Variants in TIPIN observed in about 807,000 individuals in gnomAD.
The protein encoded by TIPIN is TIMELESS-interacting protein.
In TIPIN, 29 loss-of-function variants were observed where a neutral mutation model predicts 35.6. The observed-to-expected ratio is 0.82, with a 90% CI of 0.61 to 1.11. The LOEUF is 1.11. TIPIN is among the 50% of genes most tolerant of loss of function. TIPIN has a pLI of 0.00. For missense variants in TIPIN, 296 were observed against 345.4 expected (o/e 0.86, Z 1.13); for synonymous variants, 102 against 121.5 (o/e 0.84, Z 1.06).
intron 7 of TIPIN, among the ~76,000 whole-genome samples, chr15:66,337,706 G>C (rs2140434938): frequency 6.6e-6 from 1 of 151,472 alleles, no homozygotes; most frequent in South Asian, 2.1e-4. Flanking sequence ...AGGATCATTG[G>C]AGCTCAGGAG....
At chr15:66,346,393 C>A (rs2093125989) in intron 6 of TIPIN, among the ~76,000 whole-genome samples, 1 of 148,764 alleles carries the variant, frequency 6.7e-6, no homozygotes, top group African/African-American at 2.5e-5. Context: ...TACTTTTTTT[C>A]TTTTTAATTT....
upstream of TIPIN, among the ~76,000 whole-genome samples, chr15:66,359,174 GACACAC>G (rs144363122): frequency 6.7e-5 from 9 of 134,812 alleles, no homozygotes; most frequent in South Asian, 2.7e-4. Flanking sequence ...CACACACACA[GACACAC>G]ACACACACAC....
intron 6 of TIPIN, 62 bp downstream of exon 6, chr15:66,348,998 C>A (rs1489299531): frequency 1.5e-6 from 2 of 1,356,410 alleles, no homozygotes; most frequent in South Asian, 1.2e-5. Context: ...AGCCACCACA[C>A]CCTGCCTAGA....
At position 66,336,985 on chromosome 15, in the gene TIPIN, T is replaced by C; in HGVS notation, c.879A>G (p.Thr293=). 1 of 1,612,780 alleles carries C rather than the reference T, an allele frequency of 6.2e-7. No homozygotes were observed. Among genetic ancestry groups the C allele is most frequent in the Non-Finnish European group, 8.5e-7 (1 of 1,179,004 alleles). ...FKNVQQQLDA[T]SRNITEAR ...ATCTAGCTTCAGTAATATTTCTGGA[T>C]GTAGCATCAAGTTGCTGTTGCACAT... The change falls in exon 8 of 8, where the codon ACA becomes ACG. Residue 293 remains threonine (T), a synonymous_variant. Transcript: ENST00000261881.
intron 4 of TIPIN, among the ~76,000 whole-genome samples, chr15:66,350,184 G>A (rs1008859505): frequency 6.6e-6 from 1 of 151,670 alleles, no homozygotes; most frequent in Non-Finnish European, 1.5e-5. Context: ...GGCTGGTCTT[G>A]AACTCCTGGC....
chr15:66,379,678 T>C (rs2093310838), intron 1 of TIPIN: 3 of 1,611,544 alleles, frequency 1.9e-6, no homozygotes, highest in Admixed American at 1.7e-5. Context: ...CCCTTGATCA[T>C]GTTCTGTACA....
intron 6 of TIPIN, chr15:66,348,173 CT>C (rs1414233627): frequency 1.3e-5 from 2 of 151,772 alleles, no homozygotes; most frequent in Non-Finnish European, 2.9e-5. Context: ...ACCTGATTAA[CT>C]TTTTAAAAAT....
intron 1 of TIPIN, among the ~76,000 whole-genome samples, chr15:66,364,534 A>T (rs2093245780): frequency 6.6e-6 from 1 of 152,188 alleles, no homozygotes; most frequent in African/African-American, 2.4e-5. Context: ...AGTTCCACTA[A>T]AAAATCAACT....
intron 1 of TIPIN, among the ~76,000 whole-genome samples, chr15:66,377,642 C>T (rs562350482): frequency 8.9e-4 from 134 of 151,350 alleles, no homozygotes; most frequent in African/African-American, 3.1e-3. Context: ...GGATTACAGG[C>T]GTGAGCCACA....
chr15:66,337,616 C>T (rs1476859340), intron 7 of TIPIN, among the ~76,000 whole-genome samples: 1 of 152,030 alleles, frequency 6.6e-6, no homozygotes, highest in African/African-American at 2.4e-5. Context: ...GCTACCACGC[C>T]TAGCCAATAA....
chr15:66,383,643 C>A (rs929119600), intron 1 of TIPIN: 5 of 926,804 alleles, frequency 5.4e-6, no homozygotes, highest in Non-Finnish European at 6.4e-6. Flanking sequence ...TAAGGACACA[C>A]TTCTACACAC....
Position 66,363,534 on chromosome 15 carries a change from C to G in TIPIN, c.-8-10579G>C, listed in dbSNP as rs544130383. The stretch of plus-strand genomic sequence containing the variant: ...GCCGGCACCTGTAGTCCCAGCTACT[C>G]AGGAGGCTGAGGCAGGAGAATGGCG... On this transcript the variant is annotated intron_variant, in intron 1 of 7. Transcript: ENST00000562124. Among the ~76,000 whole-genome samples the G allele has an allele frequency of 5.9e-5, 9 of 151,826 alleles. No homozygotes were observed. The East Asian group carries it at 1.6e-3, about 26-fold the overall frequency.
At chr15:66,369,300 T>C (rs1048342786) in intron 1 of TIPIN, among the ~76,000 whole-genome samples, 2 of 151,384 alleles carry the variant, frequency 1.3e-5, no homozygotes, top group Non-Finnish European at 2.9e-5. Context: ...CCTGGGAGTA[T>C]ATAAATAAAG....
chr15:66,347,355 A>G (rs779144474), intron 6 of TIPIN: 3 of 496,684 alleles, frequency 6.0e-6, no homozygotes, highest in East Asian at 5.6e-5. Flanking sequence ...AGGTCTCACT[A>G]AAGTCCTATA....
chr15:66,368,706 G>A (rs1170723693), intron 1 of TIPIN, among the ~76,000 whole-genome samples: 1 of 152,070 alleles, frequency 6.6e-6, no homozygotes, highest in Non-Finnish European at 1.5e-5. Flanking sequence ...AATTGAAGGT[G>A]AGTATCAAAA....
intron 1 of TIPIN, among the ~76,000 whole-genome samples, chr15:66,386,192 T>C (rs569659063): frequency 6.6e-6 from 1 of 152,122 alleles, no homozygotes; most frequent in Non-Finnish European, 1.5e-5. Flanking sequence ...CTCAGGAGAC[T>C]GAGGCAGGAG....
Position 66,336,717 on chromosome 15 carries a change from T to A in TIPIN, c.*241A>T, listed in dbSNP as rs550887648. 4.5e-6 allele frequency: 2 copies of A among 445,844 alleles called. No individual in the cohort carries two copies. Among genetic ancestry groups the A allele is most frequent in the South Asian group, 5.6e-5 (2 of 35,684 alleles). 27.6% of individuals were successfully genotyped at this position (445,844 alleles called of 1,614,324 possible). ...ATGACAGACCAGCAGCAGAAACTGC[T>A]TATTACCTCCTAATCATTTTATGAA... On this transcript the variant is annotated 3_prime_UTR_variant, in exon 8 of 8. Coordinates refer to ENST00000261881, the MANE Select transcript of TIPIN (RefSeq NM_017858.3).
intron 1 of TIPIN, among the ~76,000 whole-genome samples, chr15:66,384,700 G>T (rs1416105588): frequency 6.6e-6 from 1 of 151,986 alleles, no homozygotes; most frequent in Non-Finnish European, 1.5e-5. Flanking sequence ...ATCACCTGAG[G>T]TCAGGAGTTT....
intron 6 of TIPIN, 93 bp downstream of exon 6, chr15:66,348,967 A>C (rs916881002): frequency 1.4e-5 from 14 of 974,178 alleles, no homozygotes; most frequent in Middle Eastern, 3.3e-4. Flanking sequence ...AAAAAAGCAA[A>C]GCGCTGGGAT....
Sources: allele counts gnomAD v4.1 joint callset (sites outside exome capture counted in the v4.1 genomes callset), GRCh38; gene constraint gnomAD v4.1.1; transcripts MANE v1.5; gene names NCBI Gene and HGNC (gene_info 2026-07-23, HGNC 2026-07-21).